Variants in WDR3 observed in about 807,000 individuals in gnomAD.
The protein encoded by WDR3 is WD repeat-containing protein 3.
In WDR3, 81 loss-of-function variants were observed where a neutral mutation model predicts 123.7. That is an observed-to-expected ratio of 0.65 (90% CI 0.55 to 0.79). WDR3 has a LOEUF of 0.79. Among genes scored for constraint, WDR3 ranks in the 30% least tolerant of loss-of-function variants. The probability of loss-of-function intolerance (pLI) is 0.00; values close to 1 mark genes in which losing one functional copy is unlikely to be tolerated. For synonymous variants in WDR3, 390 were observed against 388.8 expected (o/e 1.00, Z -0.04); for missense variants, 1,027 against 1,123.2 (o/e 0.91, Z 1.22).
rs1440695734 is a variant in WDR3 at position 117,965,228 on chromosome 1, T to C, written c.*5781T>C. 6.6e-6 allele frequency: 1 copy of C among 152,222 alleles called. No homozygotes were observed. The highest frequency in any genetic ancestry group is 1.5e-5 in the Non-Finnish European group (1 of 68,030). The allele number at this position is 152,222 out of a possible 1,614,324, so 9.4% of individuals were successfully genotyped here. Reference sequence around the variant, plus strand: ...TTCTTTGACATCTCAATAGCATCCGTCAATTGTGTCCGTCTTTTCCTTGAA... The same window carrying C: ...TTCTTTGACATCTCAATAGCATCCGCCAATTGTGTCCGTCTTTTCCTTGAA... On this transcript the variant is annotated 3_prime_UTR_variant, in exon 27 of 27. Transcript: ENST00000349139.
At chr1:117,950,807 C>CAT in intron 15 of WDR3, 27 bp from the exon 16 acceptor site, 4 of 1,581,536 alleles carry the variant, frequency 2.5e-6, no homozygotes, top group Non-Finnish European at 3.5e-6. Context: ...TATAGACAGA[C>CAT]ATTAATTATG....
rs577416193 is a variant in WDR3 at position 117,933,401 on chromosome 1, T to G, written c.82T>G (p.Phe28Val). 6.2e-7 allele frequency: 1 copy of G among 1,614,202 alleles called. No homozygotes were observed. The highest frequency in any genetic ancestry group is 8.5e-7 in the Non-Finnish European group (1 of 1,180,030). ...VIGSQKGNIV[F>V]VTLRGEKGRY... ...CGGCAGCCAAAAAGGTAATATTGTC[T>G]TTGTGACACTTCGTGGTGAGAAAGG... is the stretch of plus-strand genomic sequence containing the variant. The change falls in exon 2 of 27, where the codon TTT becomes GTT. Residue 28 changes from phenylalanine to valine, a missense_variant. Transcript: ENST00000349139.
chr1:117,938,361 C>G, intron 4 of WDR3, 119 bp from the exon 5 acceptor site: 1 of 712,494 alleles, frequency 1.4e-6, no homozygotes, highest in Non-Finnish European at 2.3e-6. Context: ...AGAATCGGAG[C>G]TTTAGACATT....
Position 117,960,989 on chromosome 1 carries a change from T to C in WDR3, c.*1542T>C, listed in dbSNP as rs963217950. 3 of 152,186 alleles carry C rather than the reference T, an allele frequency of 2.0e-5. No individual in the cohort carries two copies. The highest frequency in any genetic ancestry group is 3.8e-4 in the East Asian group (2 of 5,202). The allele number at this position is 152,186 out of a possible 1,614,324, so 9.4% of individuals were successfully genotyped here. A position where few individuals can be genotyped will look rare whatever the true frequency, so the allele number is the denominator to read the frequency against. ...TCCAAAAATTTTTCCAATATATTTA[T>C]TGAAAATATCTGGGCTGCGTGCAGT... On this transcript the variant is annotated 3_prime_UTR_variant, in exon 27 of 27. Transcript: ENST00000349139.
rs1409310761 is a variant in WDR3 at position 117,938,461 on chromosome 1, T to C, written c.501-19T>C. Reference sequence around the variant, plus strand: ...TTTCCTAAACAGGCTATATATTTTTTTCCTGTTTCTTCTTTTAGTGGGAAA... The same window carrying C: ...TTTCCTAAACAGGCTATATATTTTTCTCCTGTTTCTTCTTTTAGTGGGAAA... On this transcript the variant is annotated intron_variant, in intron 4 of 26. Transcript: ENST00000349139. The C allele has an allele frequency of 6.2e-7, 1 of 1,606,558 alleles. No individual in the cohort carries two copies. The highest frequency in any genetic ancestry group is 1.1e-5 in the South Asian group (1 of 90,552).
chr1:117,931,191 C>G (rs1479112812), intron 1 of WDR3, among the ~76,000 whole-genome samples: 1 of 152,214 alleles, frequency 6.6e-6, no homozygotes, highest in East Asian at 1.9e-4. Flanking sequence ...TCCCAAAGTG[C>G]TGGCATTACA....
chr1:117,953,043 T>G (rs1473819359), intron 20 of WDR3, 47 bp downstream of exon 20: 2 of 1,587,276 alleles, frequency 1.3e-6, no homozygotes, highest in Non-Finnish European at 1.7e-6. Flanking sequence ...TATATAGTTA[T>G]CTTATTGAAA....
intron 9 of WDR3, 148 bp downstream of exon 9, chr1:117,941,995 G>T (rs2101203839): frequency 1.5e-6 from 2 of 1,313,674 alleles, no homozygotes; most frequent in Non-Finnish European, 2.0e-6. Context: ...ACCCAAATTT[G>T]TCAAGTCTCA....
rs768063348 is a variant in WDR3 at position 117,948,367 on chromosome 1, A to G, written c.1423-38A>G. ...GTCATGAATCATGGAGGTTGTACGTATGTTCATTGGAGCTGTGCTCATTTT... is the reference window on the plus strand; with the variant it reads ...GTCATGAATCATGGAGGTTGTACGTGTGTTCATTGGAGCTGTGCTCATTTT... On this transcript the variant is annotated intron_variant, in intron 12 of 26. Transcript: ENST00000349139. The G allele has an allele frequency of 1.9e-6, 3 of 1,565,468 alleles. No individual in the cohort carries two copies. The East Asian group carries it at 6.7e-5, about 35-fold the overall frequency.
At chr1:117,939,183 TTGAG>T (rs1651053076) in intron 5 of WDR3, among the ~76,000 whole-genome samples, 1 of 152,208 alleles carries the variant, frequency 6.6e-6, no homozygotes, top group Non-Finnish European at 1.5e-5. Context: ...AAATCATCAT[TTGAG>T]TGGATTCTAG....
intron 3 of WDR3, 105 bp downstream of exon 3, chr1:117,934,787 A>T: frequency 3.6e-6 from 4 of 1,110,912 alleles, no homozygotes; most frequent in Non-Finnish European, 3.9e-6. Context: ...TGGGCTGTCA[A>T]TATACAAAGT....
chr1:117,936,110 T>C (rs924694966), intron 3 of WDR3, among the ~76,000 whole-genome samples: 1 of 152,020 alleles, frequency 6.6e-6, no homozygotes, highest in Non-Finnish European at 1.5e-5. Context: ...TTGTAGTAGT[T>C]TTTGAGAAAA....
intron 4 of WDR3, 83 bp from the exon 5 acceptor site, chr1:117,938,397 C>G: frequency 9.3e-7 from 1 of 1,072,856 alleles, no homozygotes; most frequent in Non-Finnish European, 1.4e-6. Flanking sequence ...CCTTTTAAAG[C>G]AACAGTGAGT....
chr1:117,934,435 TAA>T, intron 2 of WDR3, 36 bp from the exon 3 acceptor site: 1 of 1,602,246 alleles, frequency 6.2e-7, no homozygotes. Flanking sequence ...AGTTCATGCT[TAA>T]CTCTTCTACA....
chr1:117,958,009 T>C (rs961386889), intron 25 of WDR3, among the ~76,000 whole-genome samples: 5 of 152,206 alleles, frequency 3.3e-5, no homozygotes, highest in African/African-American at 1.2e-4. Flanking sequence ...GAGAAGAATA[T>C]ATGCACAAAG....
intron 22 of WDR3, 81 bp from the exon 23 acceptor site, chr1:117,954,499 A>G: frequency 7.3e-7 from 1 of 1,367,310 alleles, no homozygotes; most frequent in South Asian, 1.3e-5. Flanking sequence ...AAATTATAAA[A>G]TACAGTTACC....
Position 117,952,096 on chromosome 1 carries a change from A to G in WDR3, c.1904+20A>G, listed in dbSNP as rs1041016613. On this transcript the variant is annotated intron_variant, in intron 17 of 26. Transcript: ENST00000349139. ...TGACAGGTATGTATAGTCTTTTCAA[A>G]TGTCTCCCTTTGAGTCACCTGTAAG... 5.6e-6 allele frequency: 9 copies of G among 1,607,318 alleles called. No individual in the cohort carries two copies. Among genetic ancestry groups the G allele is most frequent in the Middle Eastern group, 3.3e-4 (2 of 6,016 alleles).
At chr1:117,955,207 T>C in intron 23 of WDR3, 108 bp from the exon 24 acceptor site, 1 of 901,182 alleles carries the variant, frequency 1.1e-6, no homozygotes, top group Non-Finnish European at 1.7e-6. Context: ...AGAATACTTT[T>C]TCTGAAGTAA....
At position 117,963,505 on chromosome 1, in the gene WDR3, A is replaced by T; in HGVS notation, c.*4058A>T. 5.7e-6 allele frequency: 1 copy of T among 176,404 alleles called. No individual in the cohort carries two copies. Among genetic ancestry groups the T allele is most frequent in the Non-Finnish European group, 1.2e-5 (1 of 82,040 alleles). 10.9% of individuals were successfully genotyped at this position (176,404 alleles called of 1,614,324 possible). On this transcript the variant is annotated 3_prime_UTR_variant, in exon 27 of 27. Coordinates refer to ENST00000349139, the MANE Select transcript of WDR3 (RefSeq NM_006784.3). ...CAGCCTCCAGAGTAGCTGGGACTAC[A>T]GGCACCCGCCACCACACTTGGCTGA...
Sources: gnomAD v4.1 joint callset for allele counts (sites outside exome capture counted in the v4.1 genomes callset) on GRCh38, gnomAD v4.1.1 for gene constraint, MANE v1.5 for transcripts, NCBI Gene and HGNC (gene_info 2026-07-23, HGNC 2026-07-21) for gene names.